The following SLC38A9 variants were observed in gnomAD, a reference collection of about 807,000 sequenced individuals.
SLC38A9 encodes the protein neutral amino acid transporter 9.
Under a neutral mutation model 62.3 loss-of-function variants are expected in SLC38A9, and 48 were observed. The observed-to-expected ratio is 0.77, with a 90% CI of 0.61 to 0.98. The LOEUF (loss-of-function observed/expected upper bound fraction) is 0.98, where lower values mean the gene tolerates loss of function less well. Among genes scored for constraint, SLC38A9 ranks in the 50% least tolerant of loss-of-function variants. The probability of loss-of-function intolerance (pLI) is 0.00; values close to 1 mark genes in which losing one functional copy is unlikely to be tolerated. For missense variants in SLC38A9, 541 were observed against 679.8 expected, an observed-to-expected ratio of 0.80 and a Z score of 2.27; for synonymous variants, 204 against 227.7, an observed-to-expected ratio of 0.90 and a Z score of 0.94.
chr5:55,638,341 G>A (rs908317027), intron 12 of SLC38A9, among the ~76,000 whole-genome samples: 1 of 152,030 alleles, frequency 6.6e-6, no homozygotes, highest in Non-Finnish European at 1.5e-5. Context: ...TAATGGAACA[G>A]GATAGAAAAA....
At chr5:55,693,204 A>G (rs1196031402) in intron 3 of SLC38A9, 1 of 156,274 alleles carries the variant, frequency 6.4e-6, no homozygotes, top group African/African-American at 2.4e-5. Context: ...GGGGGCAACC[A>G]TCTTACAGTT....
Position 55,695,776 on chromosome 5 carries a change from T to C in SLC38A9, c.113+2070A>G, listed in dbSNP as rs1164135386. ...TCATCCTGGCCCGTTCTCAATGAGC[T>C]GTTGGGCACACCTCCCAGACGGGGT... On this transcript the variant is annotated intron_variant, in intron 3 of 15. Transcript: ENST00000396865. 6.4e-5 allele frequency among the ~76,000 whole-genome samples: 5 copies of C among 78,212 alleles called. 1 individual carries two copies. Among genetic ancestry groups the C allele is most frequent in the Non-Finnish European group, 9.4e-5 (3 of 31,790 alleles). 51.3% of individuals were successfully genotyped at this position (78,212 alleles called of 152,430 possible). A position where few individuals can be genotyped will look rare whatever the true frequency, so the allele number is the denominator to read the frequency against.
intron 3 of SLC38A9, among the ~76,000 whole-genome samples, chr5:55,682,475 C>T (rs34751981): frequency 0.049 from 7,465 of 152,178 alleles, 634 homozygotes; most frequent in African/African-American, 0.17. Context: ...TGTATTTTTC[C>T]TAATGAAAAA....
chr5:55,652,086 T>C (rs1019789878), intron 10 of SLC38A9, among the ~76,000 whole-genome samples: 8 of 150,090 alleles, frequency 5.3e-5, no homozygotes, highest in Non-Finnish European at 1.2e-4. Context: ...TTGCCGGGCG[T>C]GCTGGCTCAC....
intron 4 of SLC38A9, among the ~76,000 whole-genome samples, chr5:55,670,247 C>T (rs927031682): frequency 1.3e-5 from 2 of 152,128 alleles, no homozygotes; most frequent in African/African-American, 2.4e-5. Flanking sequence ...GGATTACAGG[C>T]GTAAGCCACC....
In SLC38A9 at chr5:55,649,343, AT is replaced by A. The variant is rs759968454; in HGVS notation, c.953-30del. The A allele has an allele frequency of 3.8e-6, 5 of 1,320,322 alleles. No individual in the cohort carries two copies. The Admixed American group carries it at 6.6e-5, about 18-fold the overall frequency. The allele number at this position is 1,320,322 out of a possible 1,614,324, so 81.8% of individuals were successfully genotyped here. A position where few individuals can be genotyped will look rare whatever the true frequency, so the allele number is the denominator to read the frequency against. ...TGAGGAAAAAATTCAGAAACCATTT[AT>A]TATCTTTGTGTGTTTTACAGATTAT... On this transcript the variant is annotated intron_variant, in intron 10 of 15. Coordinates refer to ENST00000396865, the MANE Select transcript of SLC38A9 (RefSeq NM_173514.4).
At chr5:55,685,462 T>C (rs1256938163) in intron 3 of SLC38A9, among the ~76,000 whole-genome samples, 1 of 152,230 alleles carries the variant, frequency 6.6e-6, no homozygotes, top group African/African-American at 2.4e-5. Context: ...GTTTCCACTT[T>C]GACCATCATG....
chr5:55,673,396 T>G (rs1195948428), intron 3 of SLC38A9: 1 of 152,204 alleles, frequency 6.6e-6, no homozygotes, highest in African/African-American at 2.4e-5. Context: ...CATCAACCTC[T>G]TCAGTTCCTT....
At chr5:55,646,285 C>T (rs968562122) in intron 11 of SLC38A9, among the ~76,000 whole-genome samples, 3 of 152,012 alleles carry the variant, frequency 2.0e-5, no homozygotes, top group Non-Finnish European at 4.4e-5. Context: ...GCAGGGGAAT[C>T]GCTTGAACCT....
At chr5:55,706,303 A>C (rs1210146743) in intron 2 of SLC38A9, among the ~76,000 whole-genome samples, 1 of 152,224 alleles carries the variant, frequency 6.6e-6, no homozygotes. Context: ...TACTTTGTAA[A>C]CCAATATACT....
At position 55,642,769 on chromosome 5, in the gene SLC38A9, A is replaced by ATTCC. The variant is rs544791329; in HGVS notation, c.1167+3019_1167+3020insGGAA. On this transcript the variant is annotated intron_variant, in intron 12 of 15. Coordinates refer to ENST00000396865, the MANE Select transcript of SLC38A9 (RefSeq NM_173514.4). ...TTGAGATCAGTTCACCAAGATAGGA[A>ATTCC]GTATGAAAAATCCAGATTGACTCAA... is the stretch of plus-strand genomic sequence containing the variant. 2.7e-4 allele frequency among the ~76,000 whole-genome samples: 41 copies of ATTCC among 152,350 alleles called. No homozygotes were observed. In the South Asian group the frequency reaches 5.8e-3, roughly 22 times the overall value.
intron 3 of SLC38A9, chr5:55,672,903 C>A: frequency 2.5e-6 from 1 of 405,580 alleles, no homozygotes; most frequent in Non-Finnish European, 4.2e-6. Flanking sequence ...AACACTTTTA[C>A]TTTAAGCACA....
At chr5:55,669,990 AG>A in intron 4 of SLC38A9, 111 bp from the exon 5 acceptor site, 3 of 1,017,764 alleles carry the variant, frequency 2.9e-6, no homozygotes, top group Non-Finnish European at 4.2e-6. Context: ...TTTTGAACGG[AG>A]TCTCGCCCTG....
intron 14 of SLC38A9, among the ~76,000 whole-genome samples, chr5:55,631,421 T>C (rs1426942234): frequency 2.0e-5 from 3 of 152,204 alleles, no homozygotes; most frequent in Admixed American, 2.0e-4. Flanking sequence ...ATTGTAAAGA[T>C]AGCCACATTC....
intron 12 of SLC38A9, among the ~76,000 whole-genome samples, chr5:55,642,498 GGTA>G (rs1285295687): frequency 6.6e-6 from 1 of 152,184 alleles, no homozygotes; most frequent in Admixed American, 6.5e-5. Context: ...AGACTTTGGT[GGTA>G]AAGTTTGAGA....
At chr5:55,650,982 G>T (rs1291122990) in intron 10 of SLC38A9, among the ~76,000 whole-genome samples, 1 of 151,832 alleles carries the variant, frequency 6.6e-6, no homozygotes, top group African/African-American at 2.4e-5. Flanking sequence ...GTAGAGACAG[G>T]GTTGCTCCAT....
At chr5:55,627,684 C>A (rs1445935113) in intron 15 of SLC38A9, among the ~76,000 whole-genome samples, 1 of 151,936 alleles carries the variant, frequency 6.6e-6, no homozygotes. Context: ...GATAATGGAG[C>A]TTCTAGAGTG....
At chr5:55,653,811 A>G (rs1037359191) in intron 9 of SLC38A9, among the ~76,000 whole-genome samples, 18 of 152,096 alleles carry the variant, frequency 1.2e-4, no homozygotes, top group Admixed American at 1.1e-3. Context: ...GGCGCATGCC[A>G]CCATGCCCGG....
chr5:55,702,723 A>T (rs1756825817), intron 2 of SLC38A9: 1 of 152,094 alleles, frequency 6.6e-6, no homozygotes, highest in African/African-American at 2.4e-5. Context: ...CATCTAGGCA[A>T]ATGATGTCAA....
Sources: allele counts gnomAD v4.1 joint callset (sites outside exome capture counted in the v4.1 genomes callset), GRCh38; gene constraint gnomAD v4.1.1; transcripts MANE v1.5; gene names NCBI Gene and HGNC (gene_info 2026-07-23, HGNC 2026-07-21).